Variants in SLIT3 observed in about 807,000 individuals in gnomAD.
SLIT3 encodes the protein slit guidance ligand 3, also known as slit homolog 3 protein.
Under a neutral mutation model 184.0 loss-of-function variants are expected in SLIT3, and 68 were observed. The observed-to-expected ratio is 0.37, with a 90% CI of 0.30 to 0.45. SLIT3 has a LOEUF of 0.45. Ranked by LOEUF, SLIT3 falls within the 20% of genes least tolerant of loss-of-function variation. SLIT3 has a pLI of 1.00. For missense variants in SLIT3, 1,707 were observed against 2,026.0 expected, an observed-to-expected ratio of 0.84 and a Z score of 3.02; for synonymous variants, 831 against 828.6, an observed-to-expected ratio of 1.00 and a Z score of -0.05.
Position 168,673,158 on chromosome 5 carries a change from T to G in SLIT3, c.3841+19A>C. 6.2e-7 allele frequency: 1 copy of G among 1,612,564 alleles called. No homozygotes were observed. Among genetic ancestry groups the G allele is most frequent in the Non-Finnish European group, 8.5e-7 (1 of 1,178,804 alleles). The stretch of plus-strand genomic sequence containing the variant: ...GAGGGCCAGAGGGAGGTAGAGGTGG[T>G]AGGGAAAGAGGGCATTACCTCCAAG... On this transcript the variant is annotated intron_variant, in intron 33 of 35. Transcript: ENST00000519560.
intron 12 of SLIT3, among the ~76,000 whole-genome samples, chr5:168,782,623 T>C (rs1172457131): frequency 1.3e-5 from 2 of 152,192 alleles, no homozygotes; most frequent in Non-Finnish European, 2.9e-5. Context: ...ATTTCTCTAA[T>C]AATTGAGCTG....
At chr5:169,099,768 TG>T (rs767484694) in intron 4 of SLIT3, among the ~76,000 whole-genome samples, 1 of 152,016 alleles carries the variant, frequency 6.6e-6, no homozygotes, top group African/African-American at 2.4e-5. Context: ...AAGGGGAGGA[TG>T]GTAACACAGT....
At chr5:168,904,498 T>C (rs1326460688) in intron 4 of SLIT3, among the ~76,000 whole-genome samples, 5 of 146,912 alleles carry the variant, frequency 3.4e-5, no homozygotes, top group East Asian at 1.9e-4. Flanking sequence ...ACAATAATAA[T>C]AATAATAATA....
intron 4 of SLIT3, among the ~76,000 whole-genome samples, chr5:168,972,698 C>G (rs1754621168): frequency 6.6e-6 from 1 of 152,062 alleles, no homozygotes; most frequent in Admixed American, 6.6e-5. Context: ...CTGTCAGATT[C>G]CTTTCCTTCC....
At chr5:169,171,954 G>C (rs1762835405) in intron 4 of SLIT3, among the ~76,000 whole-genome samples, 1 of 152,186 alleles carries the variant, frequency 6.6e-6, no homozygotes, top group African/African-American at 2.4e-5. Context: ...GGTGTACAAA[G>C]AGTGAAGGAA....
At chr5:168,669,672 A>G (rs1001893068) in intron 35 of SLIT3, 111 bp downstream of exon 35, 1 of 829,458 alleles carries the variant, frequency 1.2e-6, no homozygotes, top group Non-Finnish European at 2.0e-6. Flanking sequence ...TGACTGAACC[A>G]AGGTCATGCA....
intron 3 of SLIT3, among the ~76,000 whole-genome samples, chr5:169,197,110 G>A (rs571450333): frequency 5.9e-5 from 9 of 152,312 alleles, no homozygotes; most frequent in African/African-American, 2.2e-4. Context: ...GCTCCTGGAA[G>A]GGAAGGAATC....
chr5:169,257,089 G>C (rs554485099), intron 1 of SLIT3, among the ~76,000 whole-genome samples: 1 of 152,110 alleles, frequency 6.6e-6, no homozygotes, highest in Admixed American at 6.5e-5. Context: ...TCACCAGCCT[G>C]AGCATACAGA....
chr5:169,128,822 A>T (rs1761178944), intron 4 of SLIT3, among the ~76,000 whole-genome samples: 1 of 152,160 alleles, frequency 6.6e-6, no homozygotes, highest in African/African-American at 2.4e-5. Flanking sequence ...AGCCTGGCAA[A>T]TGTAATTACT....
chr5:168,675,083 C>T (rs895130564), intron 32 of SLIT3, among the ~76,000 whole-genome samples: 2 of 152,184 alleles, frequency 1.3e-5, no homozygotes, highest in African/African-American at 4.8e-5. Flanking sequence ...CAGCGCTCCA[C>T]CCTCGGCGGG....
At chr5:169,085,845 A>G (rs1054830854) in intron 4 of SLIT3, among the ~76,000 whole-genome samples, 27 of 152,306 alleles carry the variant, frequency 1.8e-4, no homozygotes, top group African/African-American at 5.8e-4. Context: ...ACAGGCAGAA[A>G]TGACATGGGT....
intron 1 of SLIT3, among the ~76,000 whole-genome samples, chr5:169,280,867 C>G (rs923220449): frequency 3.3e-5 from 5 of 152,130 alleles, no homozygotes; most frequent in Non-Finnish European, 2.9e-5. Context: ...AAAACGAGAA[C>G]AGTCATACAT....
intron 3 of SLIT3, among the ~76,000 whole-genome samples, chr5:169,198,934 AAAAC>A (rs36159435): frequency 2.3e-4 from 35 of 149,010 alleles, no homozygotes; most frequent in African/African-American, 5.8e-4. Context: ...TCCAACTCAA[AAAAC>A]AAACAAACAA....
chr5:169,206,091 T>C (rs1764057604), intron 3 of SLIT3, among the ~76,000 whole-genome samples: 1 of 152,222 alleles, frequency 6.6e-6, no homozygotes, highest in African/African-American at 2.4e-5. Context: ...GCTAACTTTC[T>C]CTTTTTCCAT....
Position 168,901,157 on chromosome 5 carries a change from T to TAG in SLIT3, c.414-17823_414-17822dup, listed in dbSNP as rs538958808. Among the ~76,000 whole-genome samples, 325 of 152,140 alleles carry TAG rather than the reference T, an allele frequency of 2.1e-3. 3 individuals carry two copies. Among genetic ancestry groups the TAG allele is most frequent in the African/African-American group, 7.5e-3 (311 of 41,504 alleles). On this transcript the variant is annotated intron_variant, in intron 4 of 35. Transcript: ENST00000519560. ...GCAGGCGGATCACGAGGTCAGGAGATAGTCCATCCTGGCTAACATGGTGAA... is the reference window on the plus strand; with the variant it reads ...GCAGGCGGATCACGAGGTCAGGAGATAGAGTCCATCCTGGCTAACATGGTGAA...
chr5:168,997,013 C>T (rs527581373), intron 4 of SLIT3, among the ~76,000 whole-genome samples: 1 of 152,072 alleles, frequency 6.6e-6, no homozygotes, highest in South Asian at 2.1e-4. Context: ...GCTGTCAGGC[C>T]GGGTTAGTGC....
At chr5:169,204,766 C>T (rs539849627) in intron 3 of SLIT3, among the ~76,000 whole-genome samples, 1 of 152,262 alleles carries the variant, frequency 6.6e-6, no homozygotes, top group East Asian at 1.9e-4. Context: ...AAGCCAGATT[C>T]TCAGCAGAGG....
intron 16 of SLIT3, among the ~76,000 whole-genome samples, chr5:168,756,699 G>T (rs572473917): frequency 6.6e-6 from 1 of 152,146 alleles, no homozygotes; most frequent in Non-Finnish European, 1.5e-5. Context: ...CAAATGAGAT[G>T]CAGGAGGAGA....
chr5:168,841,932 G>A (rs924025402), intron 6 of SLIT3, among the ~76,000 whole-genome samples: 33 of 152,266 alleles, frequency 2.2e-4, no homozygotes, highest in African/African-American at 7.7e-4. Flanking sequence ...ATTTTAAAAT[G>A]CTCTTTCTGG....
Sources: allele counts gnomAD v4.1 joint callset (sites outside exome capture counted in the v4.1 genomes callset), GRCh38; gene constraint gnomAD v4.1.1; transcripts MANE v1.5; gene names NCBI Gene and HGNC (gene_info 2026-07-23, HGNC 2026-07-21).